Variants in RAB38 observed in about 807,000 individuals in gnomAD.
The protein encoded by RAB38 is RAB38, member RAS oncogene family, also known as ras-related protein Rab-38.
Under a neutral mutation model 18.4 loss-of-function variants are expected in RAB38, and 15 were observed. The observed-to-expected ratio is 0.82, with a 90% CI of 0.55 to 1.26. RAB38 has a LOEUF of 1.26. Ranked by LOEUF, RAB38 falls within the 50% of genes most tolerant of loss-of-function variation. The pLI is 0.00. For missense variants in RAB38, 294 were observed against 267.4 expected (o/e 1.10, Z -0.69); for synonymous variants, 101 against 104.4 (o/e 0.97, Z 0.20).
chr11:87,974,035 TAACTC>T, the RAB38 span, among the ~76,000 whole-genome samples: 3 of 151,904 alleles, frequency 2.0e-5, no homozygotes, highest in Admixed American at 6.6e-5. Context: ...TTTAAAAACA[TAACTC>T]AATACCCCTA....
At chr11:87,977,994 A>C in the RAB38 span, among the ~76,000 whole-genome samples, 3 of 102,432 alleles carry the variant, frequency 2.9e-5, no homozygotes, top group South Asian at 3.2e-4. Context: ...TATCTTATAA[A>C]CTATTATTTT....
At chr11:87,846,842 C>T in the RAB38 span, among the ~76,000 whole-genome samples, 207 of 152,096 alleles carry the variant, frequency 1.4e-3, 2 homozygotes, top group Admixed American at 2.5e-3. Flanking sequence ...AGTGCATTCT[C>T]TCATCAGGGG....
chr11:88,066,971 A>G, the RAB38 span, among the ~76,000 whole-genome samples: 1 of 152,186 alleles, frequency 6.6e-6, no homozygotes, highest in Non-Finnish European at 1.5e-5. Context: ...ATTATAAATT[A>G]GTTTTCCTTT....
the RAB38 span, among the ~76,000 whole-genome samples, chr11:87,930,917 G>C: frequency 1.3e-4 from 20 of 152,028 alleles, no homozygotes; most frequent in Non-Finnish European, 2.2e-4. Context: ...CTGTTCCATT[G>C]GTCTATATCT....
the RAB38 span, among the ~76,000 whole-genome samples, chr11:87,978,199 G>GTATATA: frequency 6.8e-3 from 19 of 2,784 alleles, no homozygotes; most frequent in Middle Eastern, 0.25. Flanking sequence ...AAATATATAG[G>GTATATA]TGTNNNNNNN....
the RAB38 span, among the ~76,000 whole-genome samples, chr11:87,811,559 A>C: frequency 6.6e-6 from 1 of 151,946 alleles, no homozygotes; most frequent in African/African-American, 2.4e-5. Context: ...CTCTATTTGG[A>C]ATATTTACTC....
At chr11:87,910,609 A>G in the RAB38 span, among the ~76,000 whole-genome samples, 29 of 146,142 alleles carry the variant, frequency 2.0e-4, no homozygotes, top group African/African-American at 7.7e-4. Flanking sequence ...ATATAGATCT[A>G]TGATCCACTT....
At chr11:87,926,299 A>G in the RAB38 span, among the ~76,000 whole-genome samples, 1 of 151,934 alleles carries the variant, frequency 6.6e-6, no homozygotes, top group Non-Finnish European at 1.5e-5. Flanking sequence ...AAAAGTTATT[A>G]CCTTCCCTAA....
chr11:87,934,266 T>A, the RAB38 span, among the ~76,000 whole-genome samples: 1 of 152,130 alleles, frequency 6.6e-6, no homozygotes, highest in Non-Finnish European at 1.5e-5. Context: ...GCCTATTTAT[T>A]ACCTACAGAA....
the RAB38 span, among the ~76,000 whole-genome samples, chr11:87,829,719 T>A: frequency 6.6e-6 from 1 of 152,156 alleles, no homozygotes; most frequent in Non-Finnish European, 1.5e-5. Flanking sequence ...TAAATTATTT[T>A]AAAAAACAAA....
chr11:88,140,732 G>T (rs2134811883), intron 2 of RAB38, among the ~76,000 whole-genome samples: 1 of 152,240 alleles, frequency 6.6e-6, no homozygotes, highest in African/African-American at 2.4e-5. Flanking sequence ...TGGAATAAAT[G>T]GAAGGAGTAG....
At chr11:88,083,513 A>C in the RAB38 span, among the ~76,000 whole-genome samples, 1 of 152,008 alleles carries the variant, frequency 6.6e-6, no homozygotes, top group East Asian at 1.9e-4. Context: ...ATGTGGCAAA[A>C]CATTTATTGT....
At chr11:88,070,194 G>A in the RAB38 span, among the ~76,000 whole-genome samples, 1 of 152,192 alleles carries the variant, frequency 6.6e-6, no homozygotes, top group East Asian at 1.9e-4. Flanking sequence ...TGAGGCCAGT[G>A]AGACCACAAA....
the RAB38 span, among the ~76,000 whole-genome samples, chr11:87,920,413 C>T: frequency 5.3e-5 from 8 of 152,038 alleles, no homozygotes; most frequent in African/African-American, 1.9e-4. Context: ...TTTAGGAACA[C>T]ATTGTTCAAT....
At chr11:88,147,668 G>A (rs566692340) in intron 2 of RAB38, among the ~76,000 whole-genome samples, 13 of 152,044 alleles carry the variant, frequency 8.6e-5, no homozygotes, top group African/African-American at 2.2e-4. Flanking sequence ...TGAGGAAGGC[G>A]GATCACGAGG....
At chr11:88,173,405 A>T (rs1943334663) in intron 1 of RAB38, among the ~76,000 whole-genome samples, 1 of 152,184 alleles carries the variant, frequency 6.6e-6, no homozygotes, top group Non-Finnish European at 1.5e-5. Context: ...GAGGTTAGAG[A>T]ACTTACCTAA....
chr11:88,056,263 A>T, the RAB38 span, among the ~76,000 whole-genome samples: 1 of 152,138 alleles, frequency 6.6e-6, no homozygotes, highest in Non-Finnish European at 1.5e-5. Context: ...AGGGAGCCAC[A>T]CTGTTTGTCT....
the RAB38 span, among the ~76,000 whole-genome samples, chr11:88,022,628 A>AAAAAAC: frequency 1.3e-4 from 19 of 150,666 alleles, no homozygotes; most frequent in Admixed American, 1.3e-3. Context: ...AAAAAAAAAA[A>AAAAAAC]AAAACAACTA....
At chr11:87,905,656 C>T in the RAB38 span, among the ~76,000 whole-genome samples, 1 of 151,840 alleles carries the variant, frequency 6.6e-6, no homozygotes, top group Non-Finnish European at 1.5e-5. Context: ...GGTTGGAACT[C>T]AGATTTTTCC....
Sources: gnomAD v4.1 joint callset for allele counts (sites outside exome capture counted in the v4.1 genomes callset) on GRCh38, gnomAD v4.1.1 for gene constraint, MANE v1.5 for transcripts, NCBI Gene and HGNC (gene_info 2026-07-23, HGNC 2026-07-21) for gene names.